ZNF106: variants seen among roughly 807,000 people sequenced by gnomAD.
The protein encoded by ZNF106 is zinc finger protein 106.
Under a neutral mutation model 195.1 loss-of-function variants are expected in ZNF106, and 67 were observed. The observed-to-expected ratio is 0.34, with a 90% CI of 0.28 to 0.42. The LOEUF (loss-of-function observed/expected upper bound fraction) is 0.42. ZNF106 is among the 10% of genes least tolerant of loss of function. ZNF106 has a pLI of 1.00. For missense variants in ZNF106, 2,118 were observed against 2,304.5 expected (o/e 0.92, Z 1.66); for synonymous variants, 784 against 818.6 (o/e 0.96, Z 0.72).
At chr15:42,486,480 T>C (rs1205499874) in intron 1 of ZNF106, among the ~76,000 whole-genome samples, 1 of 151,802 alleles carries the variant, frequency 6.6e-6, no homozygotes, top group East Asian at 1.9e-4. Context: ...AGGCTGATCT[T>C]GAACTCCCAG....
chr15:42,465,556 C>T (rs1414699429), intron 3 of ZNF106, among the ~76,000 whole-genome samples: 13 of 152,108 alleles, frequency 8.5e-5, no homozygotes, highest in African/African-American at 2.4e-5. Flanking sequence ...GGATTACAAG[C>T]GTGAGCCACT....
At chr15:42,475,259 C>G (rs4924680) in intron 1 of ZNF106, among the ~76,000 whole-genome samples, 10,909 of 152,118 alleles carry the variant, frequency 0.072, 845 homozygotes, top group Admixed American at 0.16. Flanking sequence ...TCAAGACCAG[C>G]CTGGCCAACA....
chr15:42,464,069 T>C (rs2056456068), intron 3 of ZNF106, among the ~76,000 whole-genome samples: 1 of 148,250 alleles, frequency 6.7e-6, no homozygotes, highest in African/African-American at 2.4e-5. Flanking sequence ...TGGCTAGGCA[T>C]GGTGGCTCAC....
intron 12 of ZNF106, 70 bp from the exon 13 acceptor site, chr15:42,437,447 A>G: frequency 6.4e-7 from 1 of 1,565,680 alleles, no homozygotes; most frequent in Non-Finnish European, 8.7e-7. Context: ...AATCAGAACT[A>G]TTATACAATA....
intron 10 of ZNF106, among the ~76,000 whole-genome samples, chr15:42,440,250 G>C (rs1225892345): frequency 6.6e-6 from 1 of 152,174 alleles, no homozygotes; most frequent in African/African-American, 2.4e-5. Flanking sequence ...ACTTAGAAAT[G>C]TCAATTTCCT....
At chr15:42,433,157 G>C (rs763105053) in intron 14 of ZNF106, among the ~76,000 whole-genome samples, 1 of 151,964 alleles carries the variant, frequency 6.6e-6, no homozygotes, top group Non-Finnish European at 1.5e-5. Context: ...CCAGGCTGGA[G>C]TGCAGTGGCG....
intron 2 of ZNF106, among the ~76,000 whole-genome samples, chr15:42,469,164 G>A (rs749656387): frequency 2.6e-5 from 4 of 151,894 alleles, no homozygotes. Context: ...CAGCCTGGGC[G>A]ACAAGAGCAA....
intron 1 of ZNF106, 41 bp from the exon 2 acceptor site, chr15:42,472,362 G>A: frequency 7.0e-7 from 1 of 1,431,578 alleles, no homozygotes; most frequent in Non-Finnish European, 9.4e-7. Context: ...TTTCTCCTCA[G>A]TACCTTCTTA....
intron 10 of ZNF106, 70 bp from the exon 11 acceptor site, chr15:42,439,883 C>G: frequency 7.0e-7 from 1 of 1,421,478 alleles, no homozygotes; most frequent in Non-Finnish European, 9.3e-7. Flanking sequence ...GACTGAAACT[C>G]TACCAAATAT....
At chr15:42,440,754 G>C (rs771903535) in intron 10 of ZNF106, among the ~76,000 whole-genome samples, 1 of 151,284 alleles carries the variant, frequency 6.6e-6, no homozygotes, top group Non-Finnish European at 1.5e-5. Context: ...AGGCTGAGGC[G>C]GTCGGATCAC....
intron 14 of ZNF106, among the ~76,000 whole-genome samples, chr15:42,429,049 G>A (rs80216540): frequency 0.011 from 1,630 of 151,406 alleles, 19 homozygotes; most frequent in Middle Eastern, 0.028. Context: ...CACTGTGCCC[G>A]GCCAGAAAAC....
chr15:42,459,405 G>A (rs1006164722), intron 3 of ZNF106, among the ~76,000 whole-genome samples: 29 of 152,092 alleles, frequency 1.9e-4, no homozygotes, highest in African/African-American at 7.0e-4. Flanking sequence ...GAACCCAGGA[G>A]GCAGAGGTTG....
At position 42,439,575 on chromosome 15, in the gene ZNF106, A is replaced by G. The variant is rs2141317899; in HGVS notation, c.4002T>C (p.Phe1334=). 1 of 1,614,188 alleles carries G rather than the reference A, an allele frequency of 6.2e-7. No individual in the cohort carries two copies. Among genetic ancestry groups the G allele is most frequent in the Non-Finnish European group, 8.5e-7 (1 of 1,180,024 alleles). ...TTTCTGAAGCAAAAGACAATCTTAGAAAAGAACTGGTACAGGCTTCAGACC... is the reference window on the plus strand; with the variant it reads ...TTTCTGAAGCAAAAGACAATCTTAGGAAAGAACTGGTACAGGCTTCAGACC... ...NSGSEACTSS[F]LRLSFASETP... The change falls in exon 11 of 22, where the codon TTT becomes TTC. Residue 1334 remains phenylalanine (F), a synonymous_variant. Coordinates refer to ENST00000564754, the MANE Select transcript of ZNF106 (RefSeq NM_001366845.3).
At position 42,439,315 on chromosome 15, in the gene ZNF106, G is replaced by A. The variant is rs147387765; in HGVS notation, c.4262C>T (p.Thr1421Ile). The A allele has an allele frequency of 1.4e-5, 23 of 1,613,948 alleles. No homozygotes were observed. The highest frequency in any genetic ancestry group is 1.9e-5 in the Non-Finnish European group (22 of 1,180,028). The part of the protein sequence containing the change: ...GKLIKGGKVT[T>I]STWEDSRTGR... ...AGTCCTGCTGTCTTCCCAAGTGGAGGTTGTTACTTTCCCCCCTTTAATTAA... is the reference window on the plus strand; with the variant it reads ...AGTCCTGCTGTCTTCCCAAGTGGAGATTGTTACTTTCCCCCCTTTAATTAA... The change falls in exon 11 of 22, where the codon ACC (threonine) becomes ATC (isoleucine). Residue 1421 changes from threonine to isoleucine, a missense_variant. Thr to Ile is a moderately conservative substitution (Grantham distance 89, BLOSUM62 -1). Transcript: ENST00000564754.
At chr15:42,482,098 T>C (rs1404969958) in intron 1 of ZNF106, among the ~76,000 whole-genome samples, 2 of 152,156 alleles carry the variant, frequency 1.3e-5, no homozygotes, top group East Asian at 3.8e-4. Context: ...TTAAGCCCCA[T>C]CCAGTTTAAA....
chr15:42,452,415 C>T (rs1342741420), intron 4 of ZNF106, among the ~76,000 whole-genome samples: 2 of 151,872 alleles, frequency 1.3e-5, no homozygotes, highest in Admixed American at 6.6e-5. Context: ...CCCAGCTACT[C>T]GGGAGGCTGA....
intron 16 of ZNF106, 169 bp from the exon 17 acceptor site, chr15:42,424,229 C>G (rs946146726): frequency 1.0e-5 from 6 of 585,946 alleles, no homozygotes; most frequent in Non-Finnish European, 1.8e-5. Flanking sequence ...CTTACACCCC[C>G]CTACCAAGCA....
chr15:42,443,547 C>A (rs2055635823), intron 9 of ZNF106, among the ~76,000 whole-genome samples: 1 of 151,620 alleles, frequency 6.6e-6, no homozygotes, highest in Non-Finnish European at 1.5e-5. Flanking sequence ...CAATTTAAAT[C>A]ATAATTTTAT....
intron 20 of ZNF106, among the ~76,000 whole-genome samples, chr15:42,419,543 CAAAAA>C (rs1205578998): frequency 7.1e-6 from 1 of 141,690 alleles, no homozygotes; most frequent in Non-Finnish European, 1.5e-5. Context: ...GACCCTGTCT[CAAAAA>C]AAAAAAGAAA....
Sources: allele counts gnomAD v4.1 joint callset (sites outside exome capture counted in the v4.1 genomes callset), GRCh38; gene constraint gnomAD v4.1.1; transcripts MANE v1.5; gene names NCBI Gene and HGNC (gene_info 2026-07-23, HGNC 2026-07-21).